WDR64: variants seen among roughly 807,000 people sequenced by gnomAD.
WDR64 encodes WD repeat-containing protein 64.
A neutral mutation model predicts 139.3 loss-of-function variants in WDR64; 112 were observed. The observed-to-expected ratio is 0.80, with a 90% CI of 0.69 to 0.94. The LOEUF is 0.94. WDR64 is among the 40% of genes least tolerant of loss of function. The pLI is 0.00. For synonymous variants in WDR64, 444 were observed against 437.7 expected (o/e 1.01, Z -0.18); for missense variants, 1,206 against 1,293.1 (o/e 0.93, Z 1.03).
At chr1:241,737,717 A>T (rs1462137387) in intron 10 of WDR64, among the ~76,000 whole-genome samples, 2 of 152,198 alleles carry the variant, frequency 1.3e-5, no homozygotes, top group Admixed American at 6.5e-5. Context: ...CTAGTTTTGC[A>T]GAATTTGTAC....
At chr1:241,654,874 A>G (rs1665518647) in intron 1 of WDR64, among the ~76,000 whole-genome samples, 1 of 152,226 alleles carries the variant, frequency 6.6e-6, no homozygotes, top group Non-Finnish European at 1.5e-5. Flanking sequence ...TAAGGGGTGT[A>G]TATTAAGTGT....
intron 6 of WDR64, 56 bp downstream of exon 6, chr1:241,679,651 C>T (rs182167508): frequency 2.9e-6 from 4 of 1,395,122 alleles, no homozygotes; most frequent in East Asian, 2.5e-5. Context: ...AGTAGTGGTA[C>T]GATATGAGCA....
intron 10 of WDR64, among the ~76,000 whole-genome samples, chr1:241,726,068 A>G (rs1435374373): frequency 6.6e-6 from 1 of 150,522 alleles, no homozygotes; most frequent in Admixed American, 6.6e-5. Context: ...AGGTCTGTCT[A>G]ATTTGCTAAT....
rs1181553681 is a variant in WDR64 at position 241,727,639 on chromosome 1, AG to A, written c.1194+4205del. 2.0e-5 allele frequency among the ~76,000 whole-genome samples: 3 copies of A among 152,300 alleles called. No homozygotes were observed. The East Asian group carries it at 5.8e-4, about 29-fold the overall frequency. ...TCTAGGGACAAAGCATTGAACAAGGAGGACCAGGGCCCTGCAATGAGAAAGT... is the reference window on the plus strand; with the variant it reads ...TCTAGGGACAAAGCATTGAACAAGGAGACCAGGGCCCTGCAATGAGAAAGT... On this transcript the variant is annotated intron_variant, in intron 10 of 27. Coordinates refer to ENST00000437684, the MANE Select transcript of WDR64 (RefSeq NM_001367482.1).
intron 8 of WDR64, among the ~76,000 whole-genome samples, chr1:241,699,171 A>G (rs1667610987): frequency 6.6e-6 from 1 of 152,166 alleles, no homozygotes; most frequent in Non-Finnish European, 1.5e-5. Context: ...GTGGGGACAC[A>G]GCCAAACCAT....
At chr1:241,757,056 G>T (rs1180995204) in intron 14 of WDR64, among the ~76,000 whole-genome samples, 1 of 152,124 alleles carries the variant, frequency 6.6e-6, no homozygotes, top group African/African-American at 2.4e-5. Context: ...GTATGTATAT[G>T]TAGAAATATT....
In WDR64 at chr1:241,687,580, G is replaced by C; in HGVS notation, c.959G>C (p.Arg320Thr). The C allele has an allele frequency of 6.2e-7, 1 of 1,612,918 alleles. No individual in the cohort carries two copies. The highest frequency in any genetic ancestry group is 2.2e-5 in the East Asian group (1 of 44,812). Residue 320 changes from arginine (R) to threonine (T), a missense_variant, in exon 8 of 28, where the codon AGA (arginine) becomes ACA (threonine). Arg to Thr is a moderately conservative substitution (Grantham distance 71). Transcript: ENST00000437684. ...NHSLVLESLK[R>T]LEDNLPVREF... ...TCATTAGTTTTGGAATCCTTGAAGA[G>C]ACTCGAGGATAATTTGTAAGTATAG...
At chr1:241,694,817 C>T (rs188972487) in intron 8 of WDR64, among the ~76,000 whole-genome samples, 2 of 152,262 alleles carry the variant, frequency 1.3e-5, no homozygotes, top group African/African-American at 4.8e-5. Context: ...CAACCAGAAA[C>T]TTATACAGGT....
chr1:241,793,267 C>G (rs1391748411), intron 25 of WDR64, among the ~76,000 whole-genome samples: 1 of 152,118 alleles, frequency 6.6e-6, no homozygotes, highest in Non-Finnish European at 1.5e-5. Flanking sequence ...TTCTGGATTG[C>G]TATTTATGTC....
intron 27 of WDR64, 122 bp downstream of exon 27, chr1:241,796,492 CTTTT>C: frequency 6.8e-5 from 34 of 501,986 alleles, no homozygotes; most frequent in South Asian, 1.3e-4. Flanking sequence ...TCAGTTCATA[CTTTT>C]TTTTTTTTTT....
Position 241,778,993 on chromosome 1 carries a change from T to A in WDR64, c.2537-1011T>A, listed in dbSNP as rs911929313. Among the ~76,000 whole-genome samples the A allele has an allele frequency of 1.4e-4, 22 of 152,166 alleles. 1 individual carries two copies. The highest frequency in any genetic ancestry group is 5.1e-4 in the African/African-American group (21 of 41,460). ...TTCCTTATGTAGATATGAGTTTTTT[T>A]AAACCTATATCATTTTTCTTTTTTC... On this transcript the variant is annotated intron_variant, in intron 21 of 27. Coordinates refer to ENST00000437684, the MANE Select transcript of WDR64 (RefSeq NM_001367482.1).
At chr1:241,751,835 G>A (rs1669991665) in intron 14 of WDR64, among the ~76,000 whole-genome samples, 1 of 152,110 alleles carries the variant, frequency 6.6e-6, no homozygotes. Flanking sequence ...AACAAGAGAA[G>A]AAAACAACAA....
At chr1:241,755,537 T>C (rs1558509193) in intron 14 of WDR64, among the ~76,000 whole-genome samples, 1 of 152,240 alleles carries the variant, frequency 6.6e-6, no homozygotes, top group Admixed American at 6.5e-5. Flanking sequence ...ATAGTTTCTT[T>C]TGCTGTGCAG....
intron 14 of WDR64, among the ~76,000 whole-genome samples, chr1:241,756,595 A>C (rs6675602): frequency 0.15 from 22,914 of 152,184 alleles, 1,927 homozygotes; most frequent in African/African-American, 0.19. Flanking sequence ...CTAAGAAAAT[A>C]AAATAATACC....
At chr1:241,779,943 T>C (rs1035118114) in intron 21 of WDR64, 61 bp from the exon 22 acceptor site, 76 of 1,287,356 alleles carry the variant, frequency 5.9e-5, no homozygotes, top group Non-Finnish European at 7.6e-5. Flanking sequence ...AACTTTTGGA[T>C]AGTATTGATT....
intron 10 of WDR64, among the ~76,000 whole-genome samples, chr1:241,728,074 T>C (rs770875362): frequency 3.9e-5 from 6 of 152,116 alleles, no homozygotes; most frequent in African/African-American, 1.2e-4. Context: ...AGTTCATGCC[T>C]GTAATCCCAG....
At chr1:241,706,951 T>C (rs1359766446) in intron 8 of WDR64, among the ~76,000 whole-genome samples, 2 of 152,154 alleles carry the variant, frequency 1.3e-5, no homozygotes, top group African/African-American at 2.4e-5. Context: ...GGATCACTTA[T>C]TTTTTTGATC....
chr1:241,744,305 T>A, intron 12 of WDR64, 88 bp from the exon 13 acceptor site: 1 of 1,528,098 alleles, frequency 6.5e-7, no homozygotes, highest in Non-Finnish European at 8.9e-7. Flanking sequence ...GTTCCATTTT[T>A]GAGGCTGTTT....
intron 14 of WDR64, among the ~76,000 whole-genome samples, chr1:241,754,847 G>T (rs759030402): frequency 6.6e-6 from 1 of 151,576 alleles, no homozygotes; most frequent in Non-Finnish European, 1.5e-5. Flanking sequence ...TGTGTTGTTT[G>T]CTGAGAATAA....
Sources: allele counts gnomAD v4.1 joint callset (sites outside exome capture counted in the v4.1 genomes callset), GRCh38; gene constraint gnomAD v4.1.1; transcripts MANE v1.5; gene names NCBI Gene and HGNC (gene_info 2026-07-23, HGNC 2026-07-21).